Variants in FKBP3 observed in about 807,000 individuals in gnomAD.
The protein encoded by FKBP3 is peptidyl-prolyl cis-trans isomerase FKBP3.
Under a neutral mutation model 30.6 loss-of-function variants are expected in FKBP3, and 21 were observed. That is an observed-to-expected ratio of 0.69 (90% CI 0.49 to 0.99). The LOEUF is 0.99. FKBP3 is among the 50% of genes least tolerant of loss of function. FKBP3 has a pLI of 0.00. For missense variants in FKBP3, 283 were observed against 261.6 expected, an observed-to-expected ratio of 1.08 and a Z score of -0.56; for synonymous variants, 82 against 91.3, an observed-to-expected ratio of 0.90 and a Z score of 0.58.
At chr14:45,119,745 T>C (rs1326637310) in intron 5 of FKBP3, among the ~76,000 whole-genome samples, 1 of 150,702 alleles carries the variant, frequency 6.6e-6, no homozygotes. Context: ...TGGAGTGCAG[T>C]GGCGTGATCT....
chr14:45,115,873 A>C lies in FKBP3; in HGVS notation c.*325T>G. 1 of 230,156 alleles carries C rather than the reference A, an allele frequency of 4.3e-6. No individual in the cohort carries two copies. Among genetic ancestry groups the C allele is most frequent in the Non-Finnish European group, 8.9e-6 (1 of 112,766 alleles). The allele number at this position is 230,156 out of a possible 1,614,324, so 14.3% of individuals were successfully genotyped here. ...CCAATTCCCTAATCAGAACAATAATATATTAACACCAAACAAATCACAGTC... is the reference window on the plus strand; with the variant it reads ...CCAATTCCCTAATCAGAACAATAATCTATTAACACCAAACAAATCACAGTC... On this transcript the variant is annotated 3_prime_UTR_variant, in exon 7 of 7. Transcript: ENST00000396062.
Position 45,134,254 on chromosome 14 carries a change from C to T in FKBP3, c.108+95G>A, listed in dbSNP as rs957489726. On this transcript the variant is annotated intron_variant, in intron 1 of 6. Coordinates refer to ENST00000396062, the MANE Select transcript of FKBP3 (RefSeq NM_002013.4). ...GCCACCGGCCGCGGGAAGACGAGGG[C>T]GGGGGCACAGAGGAATACGGAATGT... The T allele has an allele frequency of 6.8e-6, 7 of 1,022,630 alleles. No homozygotes were observed. In the Admixed American group the frequency reaches 1.2e-4, roughly 18 times the overall value. 63.3% of individuals were successfully genotyped at this position (1,022,630 alleles called of 1,614,324 possible).
chr14:45,132,984 CAT>C (rs1309290139), intron 1 of FKBP3, among the ~76,000 whole-genome samples: 14 of 152,194 alleles, frequency 9.2e-5, no homozygotes, highest in African/African-American at 2.9e-4. Flanking sequence ...ATCCCCGACA[CAT>C]GTTCTTTTTC....
chr14:45,127,115 C>CTT (rs1231283034), intron 3 of FKBP3, among the ~76,000 whole-genome samples: 11 of 120,686 alleles, frequency 9.1e-5, no homozygotes, highest in Non-Finnish European at 1.0e-4. Flanking sequence ...CTGACCCTGT[C>CTT]TTTTTTTTTT....
intron 5 of FKBP3, among the ~76,000 whole-genome samples, chr14:45,120,321 CAA>C (rs967665837): frequency 1.3e-5 from 2 of 152,096 alleles, no homozygotes; most frequent in Admixed American, 1.3e-4. Flanking sequence ...CCTCTTTTCT[CAA>C]AGTTTCTTTC....
At chr14:45,134,255 G>T (rs1487500339) in intron 1 of FKBP3, 94 bp downstream of exon 1, 2 of 1,025,934 alleles carry the variant, frequency 1.9e-6, no homozygotes, top group East Asian at 2.6e-5. Flanking sequence ...AGACGAGGGC[G>T]GGGGCACAGA....
chr14:45,127,155 C>T (rs1285718732), intron 3 of FKBP3, among the ~76,000 whole-genome samples: 2 of 137,994 alleles, frequency 1.4e-5, no homozygotes, highest in South Asian at 4.6e-4. Flanking sequence ...CTCTTGTTGC[C>T]CAGGCTGGAG....
intron 3 of FKBP3, among the ~76,000 whole-genome samples, chr14:45,122,383 TA>T (rs1885004735): frequency 6.6e-6 from 1 of 152,232 alleles, no homozygotes; most frequent in Non-Finnish European, 1.5e-5. Context: ...TCCAAATCTA[TA>T]TTTGGTTTCT....
At chr14:45,123,743 G>C (rs981712663) in intron 3 of FKBP3, among the ~76,000 whole-genome samples, 2 of 148,420 alleles carry the variant, frequency 1.3e-5, no homozygotes, top group African/African-American at 2.5e-5. Flanking sequence ...GCCTCCCAAA[G>C]TAGCTGGGAG....
intron 1 of FKBP3, chr14:45,133,382 G>A (rs1426477088): frequency 7.8e-6 from 2 of 257,780 alleles, no homozygotes; most frequent in Admixed American, 4.4e-5. Flanking sequence ...CAGGAGAATC[G>A]TTTGAACCCG....
At chr14:45,128,825 ATCC>A (rs1885154908) in intron 3 of FKBP3, among the ~76,000 whole-genome samples, 1 of 152,318 alleles carries the variant, frequency 6.6e-6, no homozygotes, top group East Asian at 1.9e-4. Context: ...TCCTAAAACC[ATCC>A]TCATTCTAAT....
intron 6 of FKBP3, among the ~76,000 whole-genome samples, chr14:45,117,536 GTAA>G (rs1193449715): frequency 2.6e-5 from 4 of 151,864 alleles, no homozygotes; most frequent in African/African-American, 7.3e-5. Flanking sequence ...GTCATTAGTA[GTAA>G]TAATAAATGC....
intron 3 of FKBP3, among the ~76,000 whole-genome samples, chr14:45,122,746 G>A (rs977468873): frequency 2.6e-5 from 4 of 151,678 alleles, no homozygotes; most frequent in Non-Finnish European, 5.9e-5. Context: ...CTCGTGATCC[G>A]CCCGCCTCGG....
rs1004966615 is a variant in FKBP3 at position 45,124,623 on chromosome 14, A to C, written c.319-3003T>G. Among the ~76,000 whole-genome samples, 8 of 151,958 alleles carry C rather than the reference A, an allele frequency of 5.3e-5. No homozygotes were observed. In the East Asian group the frequency reaches 1.5e-3, roughly 29 times the overall value. ...AGGCTGGAGTGATCATACCACTGTA[A>C]AATACTGAGATATTTTACAGTAGTG... On this transcript the variant is annotated intron_variant, in intron 3 of 6. Transcript: ENST00000396062.
At chr14:45,121,453 A>C in intron 4 of FKBP3, 32 bp downstream of exon 4, 4 of 1,592,792 alleles carry the variant, frequency 2.5e-6, no homozygotes, top group Non-Finnish European at 3.4e-6. Flanking sequence ...AATCTCTTTA[A>C]GCCAAAAACA....
intron 3 of FKBP3, among the ~76,000 whole-genome samples, chr14:45,129,098 A>G (rs145527859): frequency 1.1e-3 from 163 of 152,352 alleles, no homozygotes; most frequent in East Asian, 6.6e-3. Context: ...CTTTCCACAA[A>G]TACCCAAAAG....
rs1884824803 is a variant in FKBP3 at position 45,116,021 on chromosome 14, C to T, written c.*177G>A. On this transcript the variant is annotated 3_prime_UTR_variant, in exon 7 of 7. Coordinates refer to ENST00000396062, the MANE Select transcript of FKBP3 (RefSeq NM_002013.4). ...AGGAAAGTATTTTAGACCAGGGATT[C>T]ATAAGGGATTTATCTCTCAAAAGCT... 2 of 555,868 alleles carry T rather than the reference C, an allele frequency of 3.6e-6. No individual in the cohort carries two copies. The highest frequency in any genetic ancestry group is 3.3e-6 in the Non-Finnish European group (1 of 306,208). 34.4% of individuals were successfully genotyped at this position (555,868 alleles called of 1,614,324 possible).
At chr14:45,122,920 C>T (rs1439873721) in intron 3 of FKBP3, among the ~76,000 whole-genome samples, 3 of 151,540 alleles carry the variant, frequency 2.0e-5, no homozygotes, top group African/African-American at 7.3e-5. Context: ...GTGCTGGGTG[C>T]GGTGGCTCAC....
chr14:45,134,401 T>C lies in FKBP3; in HGVS notation c.56A>G (p.Gln19Arg). 1 of 1,613,682 alleles carries C rather than the reference T, an allele frequency of 6.2e-7. No individual in the cohort carries two copies. The change falls in exon 1 of 7, where the codon CAG becomes CGG. Residue 19 changes from glutamine to arginine, a missense_variant. Physicochemically the swap from Gln to Arg is conservative, Grantham distance 43. Transcript: ENST00000396062. Reference protein sequence around the residue: ...AWTVEQLRSEQLPKKDIIKFL... With the variant: ...AWTVEQLRSERLPKKDIIKFL... ...CTTGATAATGTCCTTCTTGGGCAGC[T>C]GCTCACTGCGCAGCTGCTCCACGGT...
Sources: allele counts gnomAD v4.1 joint callset (sites outside exome capture counted in the v4.1 genomes callset), GRCh38; gene constraint gnomAD v4.1.1; transcripts MANE v1.5; gene names NCBI Gene and HGNC (gene_info 2026-07-23, HGNC 2026-07-21).